Variants in IPCEF1 observed in about 807,000 individuals in gnomAD.
IPCEF1 encodes the protein interaction protein for cytohesin exchange factors 1, also known as interactor protein for cytohesin exchange factors 1.
IPCEF1 carries 31 observed loss-of-function variants against 50.9 expected under a neutral mutation model. The ratio of observed to expected loss-of-function variants is 0.61; its 90% CI spans 0.46 to 0.82. The LOEUF (loss-of-function observed/expected upper bound fraction) is 0.82, where lower values mean the gene tolerates loss of function less well. Ranked by LOEUF, IPCEF1 falls within the 40% of genes least tolerant of loss-of-function variation. The probability of loss-of-function intolerance (pLI) is 0.00; values close to 1 mark genes in which losing one functional copy is unlikely to be tolerated. For missense variants in IPCEF1, 458 were observed against 514.0 expected, an observed-to-expected ratio of 0.89 and a Z score of 1.05; for synonymous variants, 181 against 192.0, an observed-to-expected ratio of 0.94 and a Z score of 0.47.
chr6:154,243,698 A>G (rs995977384), intron 5 of IPCEF1, among the ~76,000 whole-genome samples: 2 of 152,200 alleles, frequency 1.3e-5, no homozygotes, highest in African/African-American at 2.4e-5. Context: ...TGTGTCATGT[A>G]TCCTGGCCCG....
At position 154,345,445 on chromosome 6, in the gene IPCEF1, G is replaced by A. The variant is rs145470156; in HGVS notation, c.-62+11227C>T. 7.4e-4 allele frequency among the ~76,000 whole-genome samples: 112 copies of A among 152,192 alleles called. 1 individual carries two copies. The highest frequency in any genetic ancestry group is 2.7e-3 in the African/African-American group (111 of 41,510). On this transcript the variant is annotated intron_variant, in intron 1 of 11. Coordinates refer to ENST00000367220, the MANE Select transcript of IPCEF1 (RefSeq NM_001130700.2). ...AGCTTAAAATCACATGGCGATCAGAGCCCTACTAGTCTCCAGGACCACGAA... is the reference window on the plus strand; with the variant it reads ...AGCTTAAAATCACATGGCGATCAGAACCCTACTAGTCTCCAGGACCACGAA...
rs554864279 is a variant in IPCEF1 at position 154,335,558 on chromosome 6, G to A, written c.-62+21114C>T. On this transcript the variant is annotated intron_variant, in intron 1 of 11. Transcript: ENST00000367220. ...GTGAAGATACAACCTGTTGAAGGTC[G>A]AGCACGGTGGCTCATGCCTGTAATC... 3.9e-5 allele frequency among the ~76,000 whole-genome samples: 6 copies of A among 152,080 alleles called. No individual in the cohort carries two copies. In the South Asian group the frequency reaches 6.2e-4, roughly 16 times the overall value.
intron 5 of IPCEF1, among the ~76,000 whole-genome samples, chr6:154,223,992 C>T (rs1779063645): frequency 6.6e-6 from 1 of 152,214 alleles, no homozygotes; most frequent in South Asian, 2.1e-4. Flanking sequence ...TGTCCCACCT[C>T]TCTAAGAATT....
intron 10 of IPCEF1, among the ~76,000 whole-genome samples, chr6:154,183,983 C>G (rs954631936): frequency 2.6e-5 from 4 of 152,048 alleles, no homozygotes; most frequent in Admixed American, 2.6e-4. Context: ...AACATTTAAG[C>G]AAATTTCAAG....
intron 1 of IPCEF1, among the ~76,000 whole-genome samples, chr6:154,322,815 G>A (rs1783417781): frequency 6.6e-6 from 1 of 151,832 alleles, no homozygotes; most frequent in African/African-American, 2.4e-5. Flanking sequence ...CTAGCCTGGA[G>A]GAGAGAATGA....
intron 9 of IPCEF1, among the ~76,000 whole-genome samples, chr6:154,210,719 A>C (rs889559244): frequency 6.6e-6 from 1 of 152,236 alleles, no homozygotes; most frequent in Non-Finnish European, 1.5e-5. Context: ...TATAGTAAGA[A>C]AGAATAATAT....
At chr6:154,198,956 C>T (rs1010944537) in intron 10 of IPCEF1, among the ~76,000 whole-genome samples, 4 of 152,112 alleles carry the variant, frequency 2.6e-5, no homozygotes. Flanking sequence ...GAATAGCGCA[C>T]AATCAGAAAA....
chr6:154,278,031 C>A (rs1431523930), intron 2 of IPCEF1, among the ~76,000 whole-genome samples: 1 of 152,098 alleles, frequency 6.6e-6, no homozygotes, highest in East Asian at 1.9e-4. Context: ...GCCCTAGATA[C>A]CTTCATTTAA....
At chr6:154,291,279 A>T (rs1414948203) in intron 1 of IPCEF1, among the ~76,000 whole-genome samples, 2 of 152,226 alleles carry the variant, frequency 1.3e-5, no homozygotes, top group Admixed American at 6.5e-5. Flanking sequence ...TTTATTTTTT[A>T]AAATCTATAT....
At chr6:154,193,646 GA>G (rs1802129548) in intron 10 of IPCEF1, among the ~76,000 whole-genome samples, 1 of 152,190 alleles carries the variant, frequency 6.6e-6, no homozygotes, top group Admixed American at 6.5e-5. Flanking sequence ...TTATAAGAAA[GA>G]GAAGAAAAAT....
At chr6:154,200,159 A>G (rs1166014806) in intron 9 of IPCEF1, 119 bp from the exon 10 acceptor site, 3 of 841,484 alleles carry the variant, frequency 3.6e-6, no homozygotes, top group African/African-American at 3.4e-5. Flanking sequence ...GACCAATAAT[A>G]AAAGAGTCAA....
intron 10 of IPCEF1, among the ~76,000 whole-genome samples, chr6:154,181,133 A>G (rs1020640363): frequency 3.9e-5 from 6 of 152,154 alleles, no homozygotes; most frequent in African/African-American, 1.2e-4. Flanking sequence ...ACAACTCTAC[A>G]ACATAGCAAA....
chr6:154,180,160 G>A (rs1363418972), intron 10 of IPCEF1, among the ~76,000 whole-genome samples: 3 of 152,060 alleles, frequency 2.0e-5, no homozygotes, highest in Admixed American at 6.6e-5. Flanking sequence ...TTTGCTCAAA[G>A]GAGTATGTCC....
chr6:154,355,818 T>C (rs1056008506), intron 1 of IPCEF1, among the ~76,000 whole-genome samples: 3 of 151,748 alleles, frequency 2.0e-5, no homozygotes, highest in Admixed American at 1.3e-4. Flanking sequence ...TTCTTTCTTT[T>C]TTTTTTTCTT....
At chr6:154,288,676 CAAAAAAAAAAAAA>C (rs558703057) in intron 2 of IPCEF1, among the ~76,000 whole-genome samples, 160 of 46,944 alleles carry the variant, frequency 3.4e-3, no homozygotes, top group South Asian at 6.2e-3. Flanking sequence ...ACAAAAAAAA[CAAAAAAAAAAAAA>C]AAAAAAAAAA....
At position 154,221,731 on chromosome 6, in the gene IPCEF1, G is replaced by A. The variant is rs111596135; in HGVS notation, c.321-403C>T. 3.1e-3 allele frequency among the ~76,000 whole-genome samples: 470 copies of A among 152,090 alleles called. 3 individuals carry two copies. The highest frequency in any genetic ancestry group is 0.011 in the African/African-American group (449 of 41,482). ...TACTAAATATACAAAAAAATTAGCC[G>A]GGCATGGTGGCGGGCACCTCTAGTC... On this transcript the variant is annotated intron_variant, in intron 6 of 11. Transcript: ENST00000367220.
chr6:154,200,132 G>T, intron 9 of IPCEF1, 92 bp from the exon 10 acceptor site: 1 of 1,193,700 alleles, frequency 8.4e-7, no homozygotes, highest in Non-Finnish European at 1.1e-6. Flanking sequence ...CGGTGTCCCC[G>T]TGTTATTTCA....
chr6:154,214,119 G>T, intron 8 of IPCEF1, 99 bp downstream of exon 8: 1 of 811,356 alleles, frequency 1.2e-6, no homozygotes, highest in South Asian at 1.4e-5. Flanking sequence ...TGTTTCCTCA[G>T]GATCAGACTA....
At chr6:154,187,367 T>TC (rs1276572706) in intron 10 of IPCEF1, among the ~76,000 whole-genome samples, 1 of 152,192 alleles carries the variant, frequency 6.6e-6, no homozygotes, top group African/African-American at 2.4e-5. Flanking sequence ...TACCAGTCTC[T>TC]CCCCTCAGTG....
Sources: gnomAD v4.1 joint callset for allele counts (sites outside exome capture counted in the v4.1 genomes callset) on GRCh38, gnomAD v4.1.1 for gene constraint, MANE v1.5 for transcripts, NCBI Gene and HGNC (gene_info 2026-07-23, HGNC 2026-07-21) for gene names.